Variants in DHTKD1 observed in about 807,000 individuals in gnomAD.
The protein encoded by DHTKD1 is 2-oxoadipate dehydrogenase complex component E1.
In DHTKD1, 78 loss-of-function variants were observed where a neutral mutation model predicts 101.8. The observed-to-expected ratio is 0.77, with a 90% CI of 0.64 to 0.93. The LOEUF (loss-of-function observed/expected upper bound fraction) is 0.93. Ranked by LOEUF, DHTKD1 falls within the 40% of genes least tolerant of loss-of-function variation. DHTKD1 has a pLI of 0.00. For synonymous variants in DHTKD1, 462 were observed against 450.3 expected (o/e 1.03, Z -0.33); for missense variants, 1,223 against 1,161.7 (o/e 1.05, Z -0.77).
At position 12,107,019 on chromosome 10, in the gene DHTKD1, C is replaced by T. The variant is rs1354466729; in HGVS notation, c.2047+623C>T. Among the ~76,000 whole-genome samples, 3 of 149,810 alleles carry T rather than the reference C, an allele frequency of 2.0e-5. No homozygotes were observed. Among genetic ancestry groups the T allele is most frequent in the Non-Finnish European group, 3.0e-5 (2 of 67,608 alleles). ...TTTTTTTTTGAGACGGAGTCTCGCT[C>T]TGTCACCCAGGCTGGAGTGCAGTGG... On this transcript the variant is annotated intron_variant, in intron 11 of 16. Transcript: ENST00000263035. This position sits in a 1 kb window ranked among gnomAD's most constrained non-coding sequence, Gnocchi z 4.1.
At chr10:12,077,562 A>T (rs1224667035) in intron 1 of DHTKD1, among the ~76,000 whole-genome samples, 1 of 152,156 alleles carries the variant, frequency 6.6e-6, no homozygotes, top group Non-Finnish European at 1.5e-5. Flanking sequence ...ATGCTTTTTC[A>T]TCAATCATTC....
chr10:12,072,496 TAAATA>T (rs1236410201), intron 1 of DHTKD1, among the ~76,000 whole-genome samples: 1 of 143,824 alleles, frequency 7.0e-6, no homozygotes, highest in African/African-American at 2.6e-5. Context: ...AATAAATAAA[TAAATA>T]AATACAAATA....
chr10:12,102,900 G>A (rs577935537), intron 10 of DHTKD1, among the ~76,000 whole-genome samples: 146 of 152,044 alleles, frequency 9.6e-4, no homozygotes, highest in African/African-American at 3.4e-3. Context: ...GATTACAGGC[G>A]TGAACCACCA....
intron 1 of DHTKD1, among the ~76,000 whole-genome samples, chr10:12,071,553 C>T (rs753857559): frequency 6.6e-6 from 1 of 152,134 alleles, no homozygotes; most frequent in African/African-American, 2.4e-5. Context: ...GGGCGGATCA[C>T]CAGGTCAGGA....
rs897436040 is a variant in DHTKD1, at chr10:12,107,170, T to C, written c.2048-739T>C. Among the ~76,000 whole-genome samples the C allele has an allele frequency of 8.6e-5, 13 of 151,582 alleles. 1 individual carries two copies. Among genetic ancestry groups the C allele is most frequent in the African/African-American group, 3.2e-4 (13 of 41,230 alleles). Reference sequence around the variant, plus strand: ...CCCGGCTAATTTTTTGTATTTTTAGTAGAGATGGGGTTTCACCGTGTCAGC... The same window carrying C: ...CCCGGCTAATTTTTTGTATTTTTAGCAGAGATGGGGTTTCACCGTGTCAGC... On this transcript the variant is annotated intron_variant, in intron 11 of 16. Coordinates refer to ENST00000263035, the MANE Select transcript of DHTKD1 (RefSeq NM_018706.7). This position sits in a 1 kb window ranked among gnomAD's most constrained non-coding sequence, Gnocchi z 4.1.
At chr10:12,120,482 C>A in intron 16 of DHTKD1, 1 of 518,380 alleles carries the variant, frequency 1.9e-6, no homozygotes, top group South Asian at 2.1e-5. Context: ...TACAGGCGCC[C>A]GCCACCACAC....
rs746534817 is a variant in DHTKD1 at position 12,087,527 on chromosome 10, T to G, written c.523-8T>G. Reference sequence around the variant, plus strand: ...CTGGCAGCTCACGTCTGACATGATGTTCTGCAGGAGTTTGACCACTTTCTG... The same window carrying G: ...CTGGCAGCTCACGTCTGACATGATGGTCTGCAGGAGTTTGACCACTTTCTG... On this transcript the variant is annotated splice_polypyrimidine_tract_variant and splice_region_variant and intron_variant, in intron 3 of 16. Coordinates refer to ENST00000263035, the MANE Select transcript of DHTKD1 (RefSeq NM_018706.7). This position sits in a 1 kb window ranked among gnomAD's most constrained non-coding sequence, Gnocchi z 5.2. 1.3e-5 allele frequency: 20 copies of G among 1,583,882 alleles called. No individual in the cohort carries two copies. Among genetic ancestry groups the G allele is most frequent in the Non-Finnish European group, 1.6e-5 (19 of 1,164,194 alleles).
At chr10:12,083,670 G>T (rs761998647) in intron 2 of DHTKD1, among the ~76,000 whole-genome samples, 3 of 150,728 alleles carry the variant, frequency 2.0e-5, no homozygotes, top group Non-Finnish European at 4.4e-5. Flanking sequence ...GGAGGCAGAG[G>T]TTGCAGTGAG....
chr10:12,114,163 T>C (rs553342836), intron 13 of DHTKD1, among the ~76,000 whole-genome samples: 1 of 152,250 alleles, frequency 6.6e-6, no homozygotes, highest in Admixed American at 6.6e-5. Context: ...TAAGTGTACA[T>C]TGTTTTTCAA....
chr10:12,094,210 TG>T lies in DHTKD1; in HGVS notation c.1301del (p.Gly434AlafsTer39). On this transcript the variant is annotated frameshift_variant, in exon 7 of 17. Coordinates refer to ENST00000263035, the MANE Select transcript of DHTKD1 (RefSeq NM_018706.7). LOFTEE classifies it high-confidence loss of function. Reference protein sequence around the residue: ...VIIDLLCYRQWGHNELDEPFY... With the variant: ...VIIDLLCYRQXGHNELDEPFY... ...TATTGATCTGTTGTGCTACAGGCAGTGGGGCCACAATGAGCTGGATGAGCCA... is the reference window on the plus strand; with the variant it reads ...TATTGATCTGTTGTGCTACAGGCAGTGGGCCACAATGAGCTGGATGAGCCA... The T allele has an allele frequency of 6.2e-7, 1 of 1,614,184 alleles. No homozygotes were observed. Among genetic ancestry groups the T allele is most frequent in the Non-Finnish European group, 8.5e-7 (1 of 1,180,026 alleles).
rs779927813 is a variant in DHTKD1, at chr10:12,084,652, T to A, written c.423T>A (p.Asp141Glu). 4.3e-6 allele frequency: 7 copies of A among 1,613,474 alleles called. No homozygotes were observed. The highest frequency in any genetic ancestry group is 5.9e-6 in the Non-Finnish European group (7 of 1,179,428). ...AAACCTCCCAACTTCAGAGCCAGGA[T>A]GAGAAAGACTGGTTTGCCAAGCGGT... ...SIETSQLQSQDEKDWFAKRFE... is the reference protein window; with the variant it reads ...SIETSQLQSQEEKDWFAKRFE... The change falls in exon 3 of 17, where the codon GAT becomes GAA. Residue 141 changes from aspartate (D) to glutamate (E), a missense_variant. By Grantham distance (45) the Asp-to-Glu change is conservative. Coordinates refer to ENST00000263035, the MANE Select transcript of DHTKD1 (RefSeq NM_018706.7).
chr10:12,099,433 T>C (rs1454577287), intron 8 of DHTKD1, among the ~76,000 whole-genome samples: 1 of 152,132 alleles, frequency 6.6e-6, no homozygotes, highest in Non-Finnish European at 1.5e-5. Context: ...ACTCCTGTAA[T>C]CTGAGAACTT....
At chr10:12,094,298 T>A (rs753505604) in intron 7 of DHTKD1, 27 bp downstream of exon 7, 2 of 1,590,150 alleles carry the variant, frequency 1.3e-6, no homozygotes, top group East Asian at 4.5e-5. Context: ...TTGTGTGATA[T>A]GCCCCCTAAA....
At chr10:12,082,052 G>A (rs138903790) in intron 2 of DHTKD1, among the ~76,000 whole-genome samples, 5 of 152,024 alleles carry the variant, frequency 3.3e-5, no homozygotes, top group African/African-American at 1.2e-4. Context: ...GCTTGAACCT[G>A]GGAGGTCAAG....
intron 1 of DHTKD1, among the ~76,000 whole-genome samples, chr10:12,072,296 A>G (rs12263793): frequency 0.045 from 6,850 of 152,082 alleles, 424 homozygotes; most frequent in African/African-American, 0.15. Context: ...GTGAAACCCC[A>G]TCTCTACTAA....
intron 5 of DHTKD1, among the ~76,000 whole-genome samples, chr10:12,090,051 G>A (rs924331165): frequency 6.6e-6 from 1 of 151,754 alleles, no homozygotes; most frequent in Non-Finnish European, 1.5e-5. Flanking sequence ...AGTGTGGTTC[G>A]TTCTTTTTCT....
rs1393391618 is a variant in DHTKD1, at chr10:12,107,354, C to T, written c.2048-555C>T. On this transcript the variant is annotated intron_variant, in intron 11 of 16. Coordinates refer to ENST00000263035, the MANE Select transcript of DHTKD1 (RefSeq NM_018706.7). The surrounding 1 kb of genome is among the most constrained non-coding windows in gnomAD (Gnocchi z 4.1). Reference sequence around the variant, plus strand: ...GGAGCGGCATGTGCTGTCCAGGAAGCTGGGAACGTTCCCCTTTGAGTTTGT... The same window carrying T: ...GGAGCGGCATGTGCTGTCCAGGAAGTTGGGAACGTTCCCCTTTGAGTTTGT... Among the ~76,000 whole-genome samples the T allele has an allele frequency of 6.6e-6, 1 of 151,938 alleles. No homozygotes were observed. The highest frequency in any genetic ancestry group is 2.4e-5 in the African/African-American group (1 of 41,390).
In DHTKD1 at chr10:12,074,437, A is replaced by C. The variant is rs373911641; in HGVS notation, c.154+5250A>C. 6.0e-4 allele frequency among the ~76,000 whole-genome samples: 91 copies of C among 151,064 alleles called. No individual in the cohort carries two copies. The East Asian group carries it at 0.012, about 20-fold the overall frequency. On this transcript the variant is annotated intron_variant, in intron 1 of 16. Transcript: ENST00000263035. Reference sequence around the variant, plus strand: ...GTGGCACGATCTCTGCTCACTGCAAACTCTGCCTCCTGGGTTCACGCCATT... The same window carrying C: ...GTGGCACGATCTCTGCTCACTGCAACCTCTGCCTCCTGGGTTCACGCCATT...
chr10:12,097,626 G>T, intron 7 of DHTKD1, 58 bp from the exon 8 acceptor site: 1 of 1,467,912 alleles, frequency 6.8e-7, no homozygotes, highest in Non-Finnish European at 9.3e-7. Context: ...GACTCTCCTT[G>T]TCTCTATTAG....
Sources: gnomAD v4.1 joint callset for allele counts (sites outside exome capture counted in the v4.1 genomes callset) on GRCh38, gnomAD v4.1.1 for gene constraint, Gnocchi (gnomAD v3.1) non-coding constraint, MANE v1.5 for transcripts, NCBI Gene and HGNC (gene_info 2026-07-23, HGNC 2026-07-21) for gene names.